Variants in EPHA5 observed in about 807,000 individuals in gnomAD.
EPHA5 encodes the protein EPH receptor A5.
Under a neutral mutation model 105.0 loss-of-function variants are expected in EPHA5, and 60 were observed. That is an observed-to-expected ratio of 0.57 (90% confidence interval 0.46 to 0.71). The LOEUF is 0.71. EPHA5 is among the 30% of genes least tolerant of loss of function. EPHA5 has a pLI of 0.00. For missense variants in EPHA5, 1,218 were observed against 1,274.7 expected (o/e 0.96, Z 0.68); for synonymous variants, 513 against 449.1 (o/e 1.14, Z -1.80).
At chr4:65,579,208 G>T (rs569016242) in intron 3 of EPHA5, among the ~76,000 whole-genome samples, 50 of 151,366 alleles carry the variant, frequency 3.3e-4, no homozygotes, top group Middle Eastern at 6.9e-3. Context: ...AATTTGCCAT[G>T]AGAATATAAA....
At chr4:65,584,086 T>C (rs1193315029) in intron 3 of EPHA5, among the ~76,000 whole-genome samples, 3 of 151,712 alleles carry the variant, frequency 2.0e-5, no homozygotes, top group Non-Finnish European at 4.4e-5. Flanking sequence ...GACTTTTAAA[T>C]CTCTTCAATT....
At chr4:65,377,496 T>A (rs1345889995) in intron 8 of EPHA5, among the ~76,000 whole-genome samples, 1 of 151,898 alleles carries the variant, frequency 6.6e-6, no homozygotes, top group African/African-American at 2.4e-5. Flanking sequence ...GTATAAAGAC[T>A]TTCTCATGTG....
chr4:65,542,180 G>A (rs964094877), intron 3 of EPHA5, among the ~76,000 whole-genome samples: 19 of 151,788 alleles, frequency 1.3e-4, no homozygotes, highest in African/African-American at 4.6e-4. Flanking sequence ...AAATGAACTA[G>A]AAAAGCCAGA....
chr4:65,350,507 A>C (rs1722716428), intron 13 of EPHA5, among the ~76,000 whole-genome samples: 1 of 152,152 alleles, frequency 6.6e-6, no homozygotes. Context: ...GGGAAAAATA[A>C]ACAATGACAG....
At chr4:65,541,135 G>A (rs1455587969) in intron 3 of EPHA5, among the ~76,000 whole-genome samples, 1 of 151,302 alleles carries the variant, frequency 6.6e-6, no homozygotes, top group Admixed American at 6.6e-5. Context: ...ATCGGTATCA[G>A]CCACTGCAAA....
At position 65,489,699 on chromosome 4, in the gene EPHA5, G is replaced by C. The variant is rs892348860; in HGVS notation, c.1402+678C>G. Among the ~76,000 whole-genome samples, 4 of 152,132 alleles carry C rather than the reference G, an allele frequency of 2.6e-5. No homozygotes were observed. The East Asian group carries it at 7.7e-4, about 29-fold the overall frequency. The stretch of plus-strand genomic sequence containing the variant: ...GTCTTCCATGTTAATTTGCTTAAAA[G>C]TGAACATTTGAGGGGAAAATATAGA... On this transcript the variant is annotated intron_variant, in intron 5 of 16. Coordinates refer to ENST00000613740, the MANE Select transcript of EPHA5 (RefSeq NM_001281766.3).
At chr4:65,400,433 T>C (rs571393795) in intron 8 of EPHA5, among the ~76,000 whole-genome samples, 25 of 152,246 alleles carry the variant, frequency 1.6e-4, no homozygotes, top group Non-Finnish European at 3.4e-4. Context: ...AAATACCCCA[T>C]AGATTACTTA....
chr4:65,470,184 T>C (rs72641064), intron 5 of EPHA5, among the ~76,000 whole-genome samples: 31,430 of 148,698 alleles, frequency 0.21, 4,087 homozygotes, highest in Middle Eastern at 0.35. Flanking sequence ...GTTTTCTTTT[T>C]CTTTCTTTGT....
At chr4:65,581,913 T>A (rs932103983) in intron 3 of EPHA5, among the ~76,000 whole-genome samples, 1 of 151,804 alleles carries the variant, frequency 6.6e-6, no homozygotes. Flanking sequence ...TAATTTACTT[T>A]AACAAAGTTT....
In EPHA5 at chr4:65,615,448, A is replaced by G. The variant is rs1481979680; in HGVS notation, c.247-13144T>C. On this transcript the variant is annotated intron_variant, in intron 2 of 16. Coordinates refer to ENST00000613740, the MANE Select transcript of EPHA5 (RefSeq NM_001281766.3). The stretch of plus-strand genomic sequence containing the variant: ...AACAAGAATATGACAATAAGCTGAC[A>G]CCACAGATGAAACAATGAAGGCCAG... 2.6e-5 allele frequency among the ~76,000 whole-genome samples: 4 copies of G among 151,986 alleles called. No individual in the cohort carries two copies. In the East Asian group the frequency reaches 5.8e-4, roughly 22 times the overall value.
At chr4:65,588,891 G>A (rs1742371112) in intron 3 of EPHA5, among the ~76,000 whole-genome samples, 1 of 152,018 alleles carries the variant, frequency 6.6e-6, no homozygotes, top group Admixed American at 6.6e-5. Context: ...ACAAATGGTA[G>A]CACACAAACA....
At chr4:65,519,083 T>C (rs563989093) in intron 3 of EPHA5, among the ~76,000 whole-genome samples, 14 of 152,092 alleles carry the variant, frequency 9.2e-5, no homozygotes, top group Non-Finnish European at 1.9e-4. Context: ...TCTGGCAAAC[T>C]GAATCCAGCA....
intron 8 of EPHA5, among the ~76,000 whole-genome samples, chr4:65,396,475 C>T (rs939565154): frequency 1.3e-5 from 2 of 152,138 alleles, no homozygotes; most frequent in Non-Finnish European, 2.9e-5. Context: ...ATTTTCGGTA[C>T]GACCTTTGTA....
chr4:65,613,984 A>C (rs969107449), intron 2 of EPHA5, among the ~76,000 whole-genome samples: 2 of 151,984 alleles, frequency 1.3e-5, no homozygotes, highest in Non-Finnish European at 2.9e-5. Context: ...TTAATATTTT[A>C]CTTGAGAATT....
chr4:65,394,893 T>C (rs1721068444), intron 8 of EPHA5, among the ~76,000 whole-genome samples: 1 of 152,090 alleles, frequency 6.6e-6, no homozygotes, highest in African/African-American at 2.4e-5. Context: ...CAAAGAAGCT[T>C]CTCTGCAGGT....
rs1334719709 is a variant in EPHA5 at position 65,323,419 on chromosome 4, G to A, written c.*695C>T. ...CAATTCCATCTTAAATCAGTTCCTG[G>A]GTATATTGCAAATTATACAGTATAT... On this transcript the variant is annotated 3_prime_UTR_variant, in exon 17 of 17. Transcript: ENST00000613740. The A allele has an allele frequency of 4.4e-6, 1 of 229,414 alleles. No homozygotes were observed. Among genetic ancestry groups the A allele is most frequent in the Non-Finnish European group, 8.6e-6 (1 of 115,846 alleles). 14.2% of individuals were successfully genotyped at this position (229,414 alleles called of 1,614,324 possible).
intron 3 of EPHA5, among the ~76,000 whole-genome samples, chr4:65,504,723 A>T (rs1196857418): frequency 2.0e-5 from 3 of 151,882 alleles, no homozygotes; most frequent in Non-Finnish European, 2.9e-5. Flanking sequence ...AAATCACAAT[A>T]TTACTTTTTG....
chr4:65,539,653 T>A (rs1210753129), intron 3 of EPHA5, among the ~76,000 whole-genome samples: 1 of 151,570 alleles, frequency 6.6e-6, no homozygotes, highest in African/African-American at 2.4e-5. Flanking sequence ...TATCAGAGAA[T>A]AGTTTTTGGA....
intron 3 of EPHA5, among the ~76,000 whole-genome samples, chr4:65,535,042 T>G (rs1212210057): frequency 6.6e-6 from 1 of 152,182 alleles, no homozygotes; most frequent in Non-Finnish European, 1.5e-5. Context: ...TCAGTGCAAA[T>G]AAATAGCTTG....
Sources: allele counts gnomAD v4.1 joint callset (sites outside exome capture counted in the v4.1 genomes callset), GRCh38; gene constraint gnomAD v4.1.1; transcripts MANE v1.5; gene names NCBI Gene and HGNC (gene_info 2026-07-23, HGNC 2026-07-21).